The following PCDH11X variants were observed in gnomAD, a reference collection of about 807,000 sequenced individuals.
PCDH11X encodes protocadherin-11 X-linked.
Under a neutral mutation model 53.3 loss-of-function variants are expected in PCDH11X, and 18 were observed. That is an observed-to-expected ratio of 0.34 (90% CI 0.23 to 0.50). PCDH11X has a LOEUF of 0.50. Ranked by LOEUF, PCDH11X falls within the 20% of genes least tolerant of loss-of-function variation. The pLI, the probability that PCDH11X is intolerant of heterozygous loss-of-function variation, is 0.98. For missense variants in PCDH11X, 570 were observed against 1,032.4 expected, an observed-to-expected ratio of 0.55 and a Z score of 6.14; for synonymous variants, 279 against 393.3, an observed-to-expected ratio of 0.71 and a Z score of 3.44.
intron 6 of PCDH11X, among the ~76,000 whole-genome samples, chrX:92,086,853 A>G (rs2063960270): frequency 9.0e-6 from 1 of 110,793 alleles, no homozygotes; most frequent in Admixed American, 9.8e-5. Context: ...ATGACAATAC[A>G]GATATAATAA....
chrX:92,203,456 A>G (rs995784122), intron 7 of PCDH11X, among the ~76,000 whole-genome samples: 2 of 112,713 alleles, frequency 1.8e-5, no homozygotes, highest in Non-Finnish European at 3.7e-5. Flanking sequence ...ATCCCAACCC[A>G]GAATTCTGTC....
chrX:91,831,449 A>T (rs2147609287), intron 4 of PCDH11X, among the ~76,000 whole-genome samples: 1 of 106,128 alleles, frequency 9.4e-6, no homozygotes, highest in East Asian at 3.0e-4. Flanking sequence ...ACATACATTA[A>T]GATACGTATG....
At chrX:91,988,778 C>T (rs1223438602) in intron 6 of PCDH11X, among the ~76,000 whole-genome samples, 3 of 111,796 alleles carry the variant, frequency 2.7e-5, no homozygotes, top group Non-Finnish European at 5.6e-5. Context: ...TGGTAGAGGA[C>T]ACAGACCAGT....
chrX:92,398,382 C>T (rs2573886), intron 9 of PCDH11X, among the ~76,000 whole-genome samples: 12 of 111,656 alleles, frequency 1.1e-4, no homozygotes, highest in South Asian at 3.7e-4. Context: ...ATTTATCATA[C>T]GCTTGAAACT....
chrX:91,822,918 G>C (rs564189796), intron 4 of PCDH11X, among the ~76,000 whole-genome samples: 11 of 109,946 alleles, frequency 1.0e-4, no homozygotes, highest in East Asian at 2.9e-4. Context: ...TTTCTGCCTT[G>C]ATTTCGTTAT....
At chrX:92,609,486 C>A (rs1459092696) in intron 10 of PCDH11X, among the ~76,000 whole-genome samples, 1 of 111,544 alleles carries the variant, frequency 9.0e-6, no homozygotes, top group Non-Finnish European at 1.9e-5. Flanking sequence ...ATTTGCATTT[C>A]TTTAATGTCT....
intron 7 of PCDH11X, among the ~76,000 whole-genome samples, chrX:92,226,035 T>C (rs945893163): frequency 3.6e-5 from 4 of 111,538 alleles, no homozygotes; most frequent in Non-Finnish European, 7.5e-5. Context: ...TTCAGACTAC[T>C]ACAAAATATT....
chrX:92,108,381 C>T (rs1480025892), intron 6 of PCDH11X, among the ~76,000 whole-genome samples: 4 of 111,788 alleles, frequency 3.6e-5, no homozygotes, highest in African/African-American at 9.8e-5. Flanking sequence ...TTCAAATCAG[C>T]GTGCATCCAT....
intron 10 of PCDH11X, among the ~76,000 whole-genome samples, chrX:92,482,978 CATA>C (rs2073542044): frequency 9.2e-6 from 1 of 108,818 alleles, no homozygotes; most frequent in Non-Finnish European, 1.9e-5. Flanking sequence ...AAACATTAAA[CATA>C]ATATTTCCTT....
chrX:92,524,727 C>A (rs1184761563), intron 10 of PCDH11X, among the ~76,000 whole-genome samples: 1 of 111,011 alleles, frequency 9.0e-6, no homozygotes, highest in Non-Finnish European at 1.9e-5. Flanking sequence ...CAATCTCTTG[C>A]CATTCTGTGA....
chrX:91,972,720 G>T (rs1487748115), intron 6 of PCDH11X, among the ~76,000 whole-genome samples: 3 of 108,351 alleles, frequency 2.8e-5, no homozygotes, highest in Admixed American at 1.0e-4. Context: ...TTTCCCCATT[G>T]CTTGTTTTTC....
chrX:92,100,404 T>C (rs1488541215), intron 6 of PCDH11X, among the ~76,000 whole-genome samples: 1 of 108,650 alleles, frequency 9.2e-6, no homozygotes, highest in Non-Finnish European at 1.9e-5. Flanking sequence ...AAAATTACAG[T>C]CAAAGGGGGT....
At chrX:91,916,257 C>A (rs1313054704) in intron 6 of PCDH11X, among the ~76,000 whole-genome samples, 1 of 110,704 alleles carries the variant, frequency 9.0e-6, no homozygotes, top group Non-Finnish European at 1.9e-5. Context: ...TCTAAGGTTG[C>A]ACCTCAAGGA....
intron 8 of PCDH11X, among the ~76,000 whole-genome samples, chrX:92,379,788 G>T (rs1157918981): frequency 1.4e-4 from 16 of 110,754 alleles, no homozygotes; most frequent in Non-Finnish European, 3.0e-4. Flanking sequence ...AACGACAGAT[G>T]ACCTAACTGC....
intron 6 of PCDH11X, among the ~76,000 whole-genome samples, chrX:91,895,253 GT>G (rs1980087986): frequency 9.0e-6 from 1 of 111,430 alleles, no homozygotes; most frequent in African/African-American, 3.3e-5. Context: ...GGAGAGTAAA[GT>G]TTATTTAACC....
At chrX:92,013,744 C>G (rs1017135560) in intron 6 of PCDH11X, among the ~76,000 whole-genome samples, 1 of 111,554 alleles carries the variant, frequency 9.0e-6, no homozygotes, top group Non-Finnish European at 1.9e-5. Flanking sequence ...CTACAACCAT[C>G]TGATCTTTGA....
rs765487677 is a variant in PCDH11X, at chrX:92,340,605, C to T, written c.3145-47130C>T. 6.2e-3 allele frequency among the ~76,000 whole-genome samples: 695 copies of T among 111,929 alleles called. 1 individual carries two copies. Among genetic ancestry groups the T allele is most frequent in the Non-Finnish European group, 9.6e-3 (508 of 53,141 alleles). ...GCAGTGGTGTGAGCTGTATCTGAGG[C>T]CCTTAGAGCTGAGACTGGAAACAAA... On this transcript the variant is annotated intron_variant, in intron 8 of 10. Transcript: ENST00000682573.
chrX:92,070,646 T>C (rs2063686527), intron 6 of PCDH11X, among the ~76,000 whole-genome samples: 1 of 111,520 alleles, frequency 9.0e-6, no homozygotes, highest in Non-Finnish European at 1.9e-5. Context: ...TGAGGTGATC[T>C]CCTTCAGGTT....
chrX:92,419,141 G>A (rs1235688558), intron 9 of PCDH11X, among the ~76,000 whole-genome samples: 3 of 105,261 alleles, frequency 2.9e-5, no homozygotes, highest in South Asian at 4.3e-4. Flanking sequence ...CTCCATATCC[G>A]TGTTTATATT....
Sources: allele counts gnomAD v4.1 joint callset (sites outside exome capture counted in the v4.1 genomes callset), GRCh38; gene constraint gnomAD v4.1.1; transcripts MANE v1.5; gene names NCBI Gene and HGNC (gene_info 2026-07-23, HGNC 2026-07-21).